COL15A1: variants seen among roughly 807,000 people sequenced by gnomAD.
The protein encoded by COL15A1 is collagen alpha-1(XV) chain.
A neutral mutation model predicts 165.9 loss-of-function variants in COL15A1; 111 were observed. The observed-to-expected ratio is 0.67, with a 90% CI of 0.57 to 0.78. COL15A1 has a LOEUF of 0.78. Ranked by LOEUF, COL15A1 falls within the 30% of genes least tolerant of loss-of-function variation. COL15A1 has a pLI of 0.00. For missense variants in COL15A1, 1,745 were observed against 1,789.7 expected, an observed-to-expected ratio of 0.98 and a Z score of 0.45; for synonymous variants, 659 against 674.8, an observed-to-expected ratio of 0.98 and a Z score of 0.36.
At chr9:99,037,683 A>G (rs1839326237) in intron 21 of COL15A1, among the ~76,000 whole-genome samples, 1 of 152,232 alleles carries the variant, frequency 6.6e-6, no homozygotes, top group Admixed American at 6.5e-5. Context: ...AGGCAAATGA[A>G]CATAAAGAGG....
rs892480511 is a variant in COL15A1 at position 99,032,008 on chromosome 9, T to A, written c.2044-2541T>A. On this transcript the variant is annotated intron_variant, in intron 16 of 41. Coordinates refer to ENST00000375001, the MANE Select transcript of COL15A1 (RefSeq NM_001855.5). Reference sequence around the variant, plus strand: ...TTTGCCCTTGATGATTTGAAGATGATCACCATCATCTTCCAACATCCGGTG... The same window carrying A: ...TTTGCCCTTGATGATTTGAAGATGAACACCATCATCTTCCAACATCCGGTG... Among the ~76,000 whole-genome samples, 4 of 152,046 alleles carry A rather than the reference T, an allele frequency of 2.6e-5. No homozygotes were observed. In the East Asian group the frequency reaches 7.7e-4, roughly 29 times the overall value.
rs1838372626 is a variant in COL15A1 at position 98,989,168 on chromosome 9, C to T, written c.724-10C>T. On this transcript the variant is annotated splice_polypyrimidine_tract_variant and intron_variant, in intron 4 of 41. Transcript: ENST00000375001. Reference sequence around the variant, plus strand: ...CTGCCCGGTGTGTGGCACAGTTTGTCTCCACACAGGCATCTGGAGAGACCA... The same window carrying T: ...CTGCCCGGTGTGTGGCACAGTTTGTTTCCACACAGGCATCTGGAGAGACCA... The T allele has an allele frequency of 1.2e-6, 2 of 1,611,280 alleles. No individual in the cohort carries two copies. Among genetic ancestry groups the T allele is most frequent in the African/African-American group, 1.3e-5 (1 of 74,860 alleles).
In COL15A1 at chr9:99,070,564, G is replaced by T. The variant is rs1457560029; in HGVS notation, c.*678G>T. The T allele has an allele frequency of 1.8e-5, 7 of 399,768 alleles. No individual in the cohort carries two copies. The highest frequency in any genetic ancestry group is 3.5e-5 in the Non-Finnish European group (7 of 201,578). The allele number at this position is 399,768 out of a possible 1,614,324, so 24.8% of individuals were successfully genotyped here. A position where few individuals can be genotyped will look rare whatever the true frequency, so the allele number is the denominator to read the frequency against. On this transcript the variant is annotated 3_prime_UTR_variant, in exon 42 of 42. Transcript: ENST00000375001. ...CTCCAAATAATCTGAAACTAGAAAAGAAATAGCACATAATTACTACCTTCC... is the reference window on the plus strand; with the variant it reads ...CTCCAAATAATCTGAAACTAGAAAATAAATAGCACATAATTACTACCTTCC...
intron 16 of COL15A1, among the ~76,000 whole-genome samples, chr9:99,031,368 A>T (rs1839211146): frequency 6.6e-6 from 1 of 152,144 alleles, no homozygotes; most frequent in African/African-American, 2.4e-5. Context: ...GGTGAGAGGC[A>T]TTTGTCTTCC....
intron 5 of COL15A1, among the ~76,000 whole-genome samples, chr9:98,990,994 C>T (rs935074327): frequency 1.3e-5 from 2 of 152,104 alleles, no homozygotes; most frequent in East Asian, 1.9e-4. Context: ...AAGCTGCAGA[C>T]CTTCGCGGTG....
intron 2 of COL15A1, among the ~76,000 whole-genome samples, chr9:98,948,454 C>A (rs1198598076): frequency 6.6e-6 from 1 of 152,058 alleles, no homozygotes; most frequent in Non-Finnish European, 1.5e-5. Context: ...AAAAATTAGC[C>A]AGGCATGGTG....
chr9:99,035,769 G>A (rs1564073576), intron 19 of COL15A1, among the ~76,000 whole-genome samples: 1 of 151,980 alleles, frequency 6.6e-6, no homozygotes, highest in East Asian at 1.9e-4. Context: ...TTTGCCCCAG[G>A]TCAAAGCCCT....
chr9:98,976,614 G>C (rs912438537), intron 2 of COL15A1, among the ~76,000 whole-genome samples: 1 of 152,210 alleles, frequency 6.6e-6, no homozygotes, highest in Non-Finnish European at 1.5e-5. Flanking sequence ...CGACCTCAGT[G>C]ACTCTCACCA....
At position 98,989,948 on chromosome 9, in the gene COL15A1, A is replaced by T. The variant is rs574847976; in HGVS notation, c.804+690A>T. The stretch of plus-strand genomic sequence containing the variant: ...ACCCAGGAGCCTGTTTTTAATGAAA[A>T]CAGCAAGCAGCAGCAGAGTCACTAA... On this transcript the variant is annotated intron_variant, in intron 5 of 41. Transcript: ENST00000375001. 2.0e-5 allele frequency among the ~76,000 whole-genome samples: 3 copies of T among 152,290 alleles called. No individual in the cohort carries two copies. In the East Asian group the frequency reaches 5.8e-4, roughly 29 times the overall value.
At chr9:99,061,883 T>C in intron 36 of COL15A1, 88 bp from the exon 37 acceptor site, 2 of 1,436,576 alleles carry the variant, frequency 1.4e-6, no homozygotes, top group Non-Finnish European at 1.9e-6. Context: ...GGACGGCTCC[T>C]AGTTGACTTT....
rs1838930647 is a variant in COL15A1 at position 99,016,092 on chromosome 9, A to T, written c.1620A>T (p.Thr540=). The T allele has an allele frequency of 1.2e-6, 2 of 1,612,918 alleles. No individual in the cohort carries two copies. Among genetic ancestry groups the T allele is most frequent in the Non-Finnish European group, 1.7e-6 (2 of 1,179,522 alleles). Residue 540 remains threonine, a synonymous_variant, in exon 11 of 42, where the codon ACA becomes ACT. Coordinates refer to ENST00000375001, the MANE Select transcript of COL15A1 (RefSeq NM_001855.5). ...ATGGGCCACCGCTGCCCCTGCCCAC[A>T]GTGGCTCCTGAAAGATGGATCACTC... ...PPDGPPLPLP[T]VAPERWITPA... is the part of the protein sequence containing the mutation.
chr9:99,056,211 G>A (rs114243836), intron 34 of COL15A1, 49 bp from the exon 35 acceptor site: 11 of 1,580,010 alleles, frequency 7.0e-6, no homozygotes, highest in African/African-American at 6.7e-5. Context: ...ATGGGACTTC[G>A]AGTGATGAAT....
chr9:98,968,126 C>T (rs1319672716), intron 2 of COL15A1, among the ~76,000 whole-genome samples: 2 of 152,202 alleles, frequency 1.3e-5, no homozygotes, highest in Non-Finnish European at 2.9e-5. Flanking sequence ...AATCCCTCTG[C>T]ACCTCAACCT....
At chr9:99,052,686 C>T (rs958507672) in intron 31 of COL15A1, among the ~76,000 whole-genome samples, 9 of 152,160 alleles carry the variant, frequency 5.9e-5, no homozygotes, top group African/African-American at 2.2e-4. Flanking sequence ...TTCAATTGTT[C>T]ATTTGTTCAT....
At chr9:98,999,527 C>CT (rs1318084201) in intron 6 of COL15A1, among the ~76,000 whole-genome samples, 8,618 of 140,396 alleles carry the variant, frequency 0.061, 569 homozygotes, top group African/African-American at 0.16. Flanking sequence ...TCTTCTTCTT[C>CT]TTTTTTTTTT....
chr9:99,040,319 C>T (rs986701556), intron 22 of COL15A1, among the ~76,000 whole-genome samples: 1 of 152,200 alleles, frequency 6.6e-6, no homozygotes, highest in Non-Finnish European at 1.5e-5. Flanking sequence ...CTCTCTCTTC[C>T]TTGCTTTCTT....
In COL15A1 at chr9:99,047,945, G is replaced by T; in HGVS notation, c.2738G>T (p.Arg913Leu). The T allele has an allele frequency of 6.2e-7, 1 of 1,607,944 alleles. No homozygotes were observed. The highest frequency in any genetic ancestry group is 1.1e-5 in the South Asian group (1 of 90,936). ...GGTGTCTGCTGTGGGTTCCAGGGTCGCCCAGGACTGAATGGCCTCAAGGGT... is the reference window on the plus strand; with the variant it reads ...GGTGTCTGCTGTGGGTTCCAGGGTCTCCCAGGACTGAATGGCCTCAAGGGT... ...GEFGLPGRPG[R>L]PGLNGLKGTK... The change falls in exon 28 of 42, where the codon CGC (arginine) becomes CTC (leucine). Residue 913 changes from arginine (R) to leucine (L), a missense_variant. By Grantham distance (102) the Arg-to-Leu change is moderately radical. Coordinates refer to ENST00000375001, the MANE Select transcript of COL15A1 (RefSeq NM_001855.5).
At position 99,018,717 on chromosome 9, in the gene COL15A1, T is replaced by C. The variant is rs77223115; in HGVS notation, c.1648-1672T>C. Among the ~76,000 whole-genome samples the C allele has an allele frequency of 3.9e-3, 597 of 152,286 alleles. 6 individuals are homozygous for C. Among genetic ancestry groups the C allele is most frequent in the African/African-American group, 0.013 (555 of 41,564 alleles). On this transcript the variant is annotated intron_variant, in intron 11 of 41. Coordinates refer to ENST00000375001, the MANE Select transcript of COL15A1 (RefSeq NM_001855.5). ...TATACCTGTTAGAAATATTTAATGA[T>C]GGGGGAAATGCTTAGCATATAATGT...
At chr9:99,005,968 G>T (rs952462790) in intron 9 of COL15A1, among the ~76,000 whole-genome samples, 1 of 152,008 alleles carries the variant, frequency 6.6e-6, no homozygotes, top group Non-Finnish European at 1.5e-5. Context: ...CCACCTCTTG[G>T]GCCCGTCCTC....
Sources: gnomAD v4.1 joint callset for allele counts (sites outside exome capture counted in the v4.1 genomes callset) on GRCh38, gnomAD v4.1.1 for gene constraint, MANE v1.5 for transcripts, NCBI Gene and HGNC (gene_info 2026-07-23, HGNC 2026-07-21) for gene names.